SLC35F3: variants seen among roughly 807,000 people sequenced by gnomAD.
The protein encoded by SLC35F3 is solute carrier family 35 member F3.
SLC35F3 carries 25 observed loss-of-function variants against 49.9 expected under a neutral mutation model. That is an observed-to-expected ratio of 0.50 (90% CI 0.37 to 0.70). The LOEUF (loss-of-function observed/expected upper bound fraction) is 0.70, where lower values mean the gene tolerates loss of function less well. Among genes scored for constraint, SLC35F3 ranks in the 30% least tolerant of loss-of-function variants. The pLI, the probability that SLC35F3 is intolerant of heterozygous loss-of-function variation, is 0.00. For synonymous variants in SLC35F3, 275 were observed against 265.4 expected, an observed-to-expected ratio of 1.04 and a Z score of -0.35; for missense variants, 525 against 639.8, an observed-to-expected ratio of 0.82 and a Z score of 1.94.
At chr1:233,969,068 G>GC (rs1662949638) in intron 2 of SLC35F3, among the ~76,000 whole-genome samples, 1 of 149,144 alleles carries the variant, frequency 6.7e-6, no homozygotes, top group Admixed American at 6.7e-5. Context: ...TTTGGGGGGG[G>GC]GGACACAATT....
intron 2 of SLC35F3, among the ~76,000 whole-genome samples, chr1:234,172,589 A>T (rs530585293): frequency 6.6e-6 from 1 of 152,320 alleles, no homozygotes; most frequent in East Asian, 1.9e-4. Flanking sequence ...TGAGAAACGC[A>T]TCTCTAGGCG....
chr1:234,104,978 A>G (rs917129588), intron 2 of SLC35F3, among the ~76,000 whole-genome samples: 3 of 152,050 alleles, frequency 2.0e-5, no homozygotes, highest in Non-Finnish European at 2.9e-5. Context: ...AAAATACAAA[A>G]TTAGCTGGGC....
At chr1:234,265,178 G>A (rs554777732) in intron 3 of SLC35F3, among the ~76,000 whole-genome samples, 4 of 152,128 alleles carry the variant, frequency 2.6e-5, no homozygotes, top group Admixed American at 2.0e-4. Context: ...ACCTGCCCTC[G>A]AATAGCAAGT....
intron 2 of SLC35F3, among the ~76,000 whole-genome samples, chr1:234,176,473 G>A (rs1666477093): frequency 6.6e-6 from 1 of 152,146 alleles, no homozygotes; most frequent in African/African-American, 2.4e-5. Flanking sequence ...GAGGACCCCA[G>A]AGCCCCCTCA....
At chr1:234,163,482 A>C (rs916496328) in intron 2 of SLC35F3, among the ~76,000 whole-genome samples, 1 of 152,088 alleles carries the variant, frequency 6.6e-6, no homozygotes, top group Non-Finnish European at 1.5e-5. Context: ...AGTGAGTGAG[A>C]GTGTAAACAG....
chr1:234,113,026 G>A (rs551429875), intron 2 of SLC35F3, among the ~76,000 whole-genome samples: 1 of 151,716 alleles, frequency 6.6e-6, no homozygotes, highest in Non-Finnish European at 1.5e-5. Context: ...CCAGGAGTTC[G>A]AGACCAGCCT....
chr1:234,128,781 C>A (rs1033632456), intron 2 of SLC35F3, among the ~76,000 whole-genome samples: 12 of 152,168 alleles, frequency 7.9e-5, no homozygotes, highest in African/African-American at 2.9e-4. Context: ...TCTCTCTTTG[C>A]TTAAATTTTA....
chr1:233,999,728 C>G (rs534848957), intron 2 of SLC35F3, among the ~76,000 whole-genome samples: 3 of 152,256 alleles, frequency 2.0e-5, no homozygotes, highest in East Asian at 3.9e-4. Flanking sequence ...GCAGCACACT[C>G]TTTCATACCT....
rs1057408751 is a variant in SLC35F3 at position 234,218,545 on chromosome 1, T to A, written c.284-12872T>A. Reference sequence around the variant, plus strand: ...AGAGATTGTTCCATTATCTCTATTTTTTCCCTAAGCAAGGGTAAGTATTGT... The same window carrying A: ...AGAGATTGTTCCATTATCTCTATTTATTCCCTAAGCAAGGGTAAGTATTGT... On this transcript the variant is annotated intron_variant, in intron 2 of 7. Coordinates refer to ENST00000366618, the MANE Select transcript of SLC35F3 (RefSeq NM_173508.4). 2.0e-5 allele frequency among the ~76,000 whole-genome samples: 3 copies of A among 152,360 alleles called. 1 individual carries two copies. The highest frequency in any genetic ancestry group is 1.3e-4 in the Admixed American group (2 of 15,306).
chr1:233,990,943 C>T (rs1013346685), intron 2 of SLC35F3, among the ~76,000 whole-genome samples: 2 of 152,178 alleles, frequency 1.3e-5, no homozygotes, highest in African/African-American at 4.8e-5. Context: ...GCCTGCAAAT[C>T]TGCCCTTATG....
At chr1:234,187,331 G>C (rs951755506) in intron 2 of SLC35F3, among the ~76,000 whole-genome samples, 11 of 152,194 alleles carry the variant, frequency 7.2e-5, no homozygotes, top group Admixed American at 5.9e-4. Context: ...CTCAAATGGG[G>C]AAGAAGAGAG....
chr1:233,913,793 C>T (rs916249254), intron 2 of SLC35F3, among the ~76,000 whole-genome samples: 5 of 152,132 alleles, frequency 3.3e-5, no homozygotes, highest in African/African-American at 9.7e-5. Flanking sequence ...TCACTTTAAC[C>T]CTGCTAAAAA....
In SLC35F3 at chr1:233,904,948, G is replaced by C. The variant is rs1188306346; in HGVS notation, c.-130G>C. The C allele has an allele frequency of 9.7e-7, 1 of 1,035,088 alleles. No homozygotes were observed. Among genetic ancestry groups the C allele is most frequent in the Non-Finnish European group, 1.3e-6 (1 of 743,006 alleles). The allele number at this position is 1,035,088 out of a possible 1,614,324, so 64.1% of individuals were successfully genotyped here. A position where few individuals can be genotyped will look rare whatever the true frequency, so the allele number is the denominator to read the frequency against. ...GGGCGCGCACAAAGCGGCCCGGGGC[G>C]GCCGGCGCGGCGCAGACCCTCGGTG... is the stretch of plus-strand genomic sequence containing the variant. On this transcript the variant is annotated 5_prime_UTR_variant, in exon 1 of 8. Transcript: ENST00000366618.
chr1:233,958,550 C>A (rs772477108), intron 2 of SLC35F3, among the ~76,000 whole-genome samples: 1 of 152,206 alleles, frequency 6.6e-6, no homozygotes, highest in Non-Finnish European at 1.5e-5. Context: ...CATCTGATAT[C>A]TTTTCCAACT....
intron 3 of SLC35F3, among the ~76,000 whole-genome samples, chr1:234,253,781 G>C (rs1364420776): frequency 3.3e-5 from 5 of 152,160 alleles, no homozygotes; most frequent in Admixed American, 2.0e-4. Flanking sequence ...TGCCAAATAA[G>C]GTCAAGAGCA....
chr1:234,261,709 C>T (rs372937856), intron 3 of SLC35F3: 3 of 152,150 alleles, frequency 2.0e-5, no homozygotes, highest in African/African-American at 7.2e-5. Context: ...ATTTTACCCA[C>T]ACTCTATTCA....
rs182687929 is a variant in SLC35F3 at position 234,166,393 on chromosome 1, T to C, written c.284-65024T>C. ...TGTACGTTCTGTGAGTTTGGACAAA[T>C]GTATAATGGCATTTATCCACCTTAT... On this transcript the variant is annotated intron_variant, in intron 2 of 7. Transcript: ENST00000366618. Among the ~76,000 whole-genome samples the C allele has an allele frequency of 6.6e-4, 100 of 152,338 alleles. No homozygotes were observed. The East Asian group carries it at 0.013, about 20-fold the overall frequency.
At chr1:234,166,649 A>T (rs1267808174) in intron 2 of SLC35F3, among the ~76,000 whole-genome samples, 1 of 152,084 alleles carries the variant, frequency 6.6e-6, no homozygotes, top group Non-Finnish European at 1.5e-5. Flanking sequence ...CATCCCCTAA[A>T]CTTCTGTGTC....
intron 2 of SLC35F3, among the ~76,000 whole-genome samples, chr1:234,121,516 G>A (rs1179024465): frequency 6.6e-6 from 1 of 152,094 alleles, no homozygotes; most frequent in Non-Finnish European, 1.5e-5. Context: ...GCTTAGTAAA[G>A]CTGAATAGTA....
Sources: gnomAD v4.1 joint callset for allele counts (sites outside exome capture counted in the v4.1 genomes callset) on GRCh38, gnomAD v4.1.1 for gene constraint, MANE v1.5 for transcripts, NCBI Gene and HGNC (gene_info 2026-07-23, HGNC 2026-07-21) for gene names.